Variants in ZSWIM6 observed in about 807,000 individuals in gnomAD.
ZSWIM6 encodes zinc finger SWIM domain-containing protein 6.
Under a neutral mutation model 113.2 loss-of-function variants are expected in ZSWIM6, and 9 were observed. The ratio of observed to expected loss-of-function variants is 0.08; its 90% CI spans 0.05 to 0.14. The LOEUF is 0.14. ZSWIM6 is among the 10% of genes least tolerant of loss of function. ZSWIM6 has a pLI of 1.00. For missense variants in ZSWIM6, 1,162 were observed against 1,552.2 expected (o/e 0.75, Z 4.22); for synonymous variants, 611 against 606.5 (o/e 1.01, Z -0.11).
intron 1 of ZSWIM6, among the ~76,000 whole-genome samples, chr5:61,356,638 A>G (rs997448315): frequency 6.9e-6 from 1 of 145,838 alleles, no homozygotes. Context: ...TTATAGTAAT[A>G]AGCTGTCTTA....
At chr5:61,441,436 C>T (rs905440990) in intron 1 of ZSWIM6, among the ~76,000 whole-genome samples, 1 of 152,054 alleles carries the variant, frequency 6.6e-6, no homozygotes, top group African/African-American at 2.4e-5. Flanking sequence ...TCAATCTTTG[C>T]CTTATAGGGT....
At chr5:61,345,630 A>G (rs1298221861) in intron 1 of ZSWIM6, among the ~76,000 whole-genome samples, 4 of 152,334 alleles carry the variant, frequency 2.6e-5, no homozygotes, top group South Asian at 2.1e-4. Flanking sequence ...ACTGAATACA[A>G]ATGGAAACGC....
intron 1 of ZSWIM6, among the ~76,000 whole-genome samples, chr5:61,363,276 A>G (rs1031816468): frequency 6.6e-6 from 1 of 152,190 alleles, no homozygotes; most frequent in South Asian, 2.1e-4. Context: ...GATTACATCA[A>G]CTCGTGGAAA....
intron 1 of ZSWIM6, among the ~76,000 whole-genome samples, chr5:61,439,073 A>ATCCT (rs1746771343): frequency 6.6e-6 from 1 of 152,206 alleles, no homozygotes; most frequent in Non-Finnish European, 1.5e-5. Flanking sequence ...TATTAAACCT[A>ATCCT]TCCTTTGTCC....
intron 1 of ZSWIM6, among the ~76,000 whole-genome samples, chr5:61,378,826 G>T (rs184882054): frequency 1.8e-4 from 28 of 152,210 alleles, no homozygotes; most frequent in Admixed American, 1.3e-4. Flanking sequence ...AAACTGCTGG[G>T]ATTACAGGCG....
chr5:61,434,147 CAT>C (rs982790273), intron 1 of ZSWIM6, among the ~76,000 whole-genome samples: 165 of 143,456 alleles, frequency 1.2e-3, no homozygotes, highest in African/African-American at 2.8e-3. Flanking sequence ...CTATATATAA[CAT>C]ATATATAAAT....
chr5:61,542,529 A>G (rs1453385507), intron 13 of ZSWIM6, among the ~76,000 whole-genome samples: 1 of 152,234 alleles, frequency 6.6e-6, no homozygotes, highest in Non-Finnish European at 1.5e-5. Flanking sequence ...TTTAAAATAA[A>G]TAGTGGTTAA....
intron 1 of ZSWIM6, chr5:61,390,694 G>A (rs1056905649): frequency 1.0e-5 from 9 of 857,352 alleles, no homozygotes; most frequent in Admixed American, 1.7e-5. Flanking sequence ...TTTGCAATTC[G>A]GTCTTTCTTG....
chr5:61,443,338 AC>A (rs1746877579), intron 1 of ZSWIM6, among the ~76,000 whole-genome samples: 1 of 152,216 alleles, frequency 6.6e-6, no homozygotes, highest in African/African-American at 2.4e-5. Context: ...ATGAAGACAT[AC>A]CAGAATTTCA....
At chr5:61,369,940 CA>C (rs1053261508) in intron 1 of ZSWIM6, among the ~76,000 whole-genome samples, 2 of 151,982 alleles carry the variant, frequency 1.3e-5, no homozygotes, top group Non-Finnish European at 2.9e-5. Flanking sequence ...CAGATTTTAC[CA>C]AAAAACAAAC....
Position 61,472,653 on chromosome 5 carries a change from C to T in ZSWIM6, c.677-28C>T. On this transcript the variant is annotated intron_variant, in intron 1 of 13. Coordinates refer to ENST00000252744, the MANE Select transcript of ZSWIM6 (RefSeq NM_020928.2). The surrounding 1 kb of genome is among the most constrained non-coding windows in gnomAD (Gnocchi z 4.1). ...ATAGCATCTGAATGCAGAAGCTAAA[C>T]CCTCCCTTTCTTTCTTTCACCCTCA... is the stretch of plus-strand genomic sequence containing the variant. 4.8e-6 allele frequency: 7 copies of T among 1,452,566 alleles called. No homozygotes were observed. Among genetic ancestry groups the T allele is most frequent in the Non-Finnish European group, 6.4e-6 (7 of 1,088,358 alleles). 90.0% of individuals were successfully genotyped at this position (1,452,566 alleles called of 1,614,324 possible).
chr5:61,460,364 G>A (rs968988915), intron 1 of ZSWIM6, among the ~76,000 whole-genome samples: 1 of 151,988 alleles, frequency 6.6e-6, no homozygotes, highest in Non-Finnish European at 1.5e-5. Context: ...CTAGTAAATA[G>A]AGCTCATTAG....
intron 1 of ZSWIM6, among the ~76,000 whole-genome samples, chr5:61,378,616 C>T (rs1307027488): frequency 6.6e-6 from 1 of 151,890 alleles, no homozygotes; most frequent in African/African-American, 2.4e-5. Context: ...AGTGCAATAG[C>T]GTGATCTCAG....
chr5:61,543,813 G>T lies in ZSWIM6; in HGVS notation c.3144G>T (p.Lys1048Asn), dbSNP rs1456655410. The change falls in exon 14 of 14, where the codon AAG becomes AAT. Residue 1048 changes from lysine (K) to asparagine (N), a missense_variant. Physicochemically the swap from Lys to Asn is moderately conservative, Grantham distance 94. Transcript: ENST00000252744. The surrounding 1 kb of genome is among the most constrained non-coding windows in gnomAD (Gnocchi z 4.3). ...EHRGYPMRAY[K>N]LATLAMTHLN... is the part of the protein sequence containing the mutation. ...GCGGGTACCCCATGAGGGCCTACAA[G>T]CTGGCCACCCTGGCCATGACCCATC... 8 of 1,551,796 alleles carry T rather than the reference G, an allele frequency of 5.2e-6. No individual in the cohort carries two copies. The East Asian group carries it at 1.7e-4, about 33-fold the overall frequency.
intron 1 of ZSWIM6, among the ~76,000 whole-genome samples, chr5:61,389,673 A>T (rs1745663743): frequency 6.6e-6 from 1 of 152,136 alleles, no homozygotes. Context: ...GGACCAAAAA[A>T]TCTTGAATCT....
Position 61,516,457 on chromosome 5 carries a change from T to A in ZSWIM6, c.1334-4806T>A, listed in dbSNP as rs540661613. Among the ~76,000 whole-genome samples, 41 of 145,926 alleles carry A rather than the reference T, an allele frequency of 2.8e-4. No individual in the cohort carries two copies. In the East Asian group the frequency reaches 7.1e-3, roughly 25 times the overall value. ...ACAAAAATATACATATATATATATA[T>A]AAAAACTATATATATATATATAGTT... On this transcript the variant is annotated intron_variant, in intron 4 of 13. Coordinates refer to ENST00000252744, the MANE Select transcript of ZSWIM6 (RefSeq NM_020928.2).
In ZSWIM6 at chr5:61,338,177, G is replaced by A. The variant is rs201171427; in HGVS notation, c.676+5229G>A. Among the ~76,000 whole-genome samples, 3 of 131,036 alleles carry A rather than the reference G, an allele frequency of 2.3e-5. No individual in the cohort carries two copies. The Admixed American group carries it at 2.3e-4, about 10-fold the overall frequency. 86.0% of individuals were successfully genotyped at this position (131,036 alleles called of 152,430 possible). ...AAAGTTTTGTGTGTTTTTTTTTTTT[G>A]TGGGGGTGGCAAAGCAGTAAAAGAA... On this transcript the variant is annotated intron_variant, in intron 1 of 13. Coordinates refer to ENST00000252744, the MANE Select transcript of ZSWIM6 (RefSeq NM_020928.2).
At position 61,489,945 on chromosome 5, in the gene ZSWIM6, A is replaced by C. The variant is rs189796814; in HGVS notation, c.1034-841A>C. On this transcript the variant is annotated intron_variant, in intron 2 of 13. Coordinates refer to ENST00000252744, the MANE Select transcript of ZSWIM6 (RefSeq NM_020928.2). ...TAGAAGACAAGAAAAGTAATACAAAACCACACCTACAGATGTATTTTTTAA... is the reference window on the plus strand; with the variant it reads ...TAGAAGACAAGAAAAGTAATACAAACCCACACCTACAGATGTATTTTTTAA... Among the ~76,000 whole-genome samples the C allele has an allele frequency of 2.7e-3, 407 of 152,170 alleles. 6 individuals carry two copies. The highest frequency in any genetic ancestry group is 1.3e-3 in the Non-Finnish European group (85 of 67,974).
In ZSWIM6 at chr5:61,456,523, G is replaced by T. The variant is rs140615809; in HGVS notation, c.677-16158G>T. 1.7e-3 allele frequency among the ~76,000 whole-genome samples: 252 copies of T among 152,320 alleles called. 4 individuals carry two copies. Among genetic ancestry groups the T allele is most frequent in the Admixed American group, 0.015 (229 of 15,308 alleles). On this transcript the variant is annotated intron_variant, in intron 1 of 13. Coordinates refer to ENST00000252744, the MANE Select transcript of ZSWIM6 (RefSeq NM_020928.2). ...GATGTCCCCAGCTAGTTTATAAGTG[G>T]TCCAGGTAGCGTTTACAGTTGCTGG...
Sources: gnomAD v4.1 joint callset for allele counts (sites outside exome capture counted in the v4.1 genomes callset) on GRCh38, gnomAD v4.1.1 for gene constraint, Gnocchi (gnomAD v3.1) non-coding constraint, MANE v1.5 for transcripts, NCBI Gene and HGNC (gene_info 2026-07-23, HGNC 2026-07-21) for gene names.